The following PDE4D variants were observed in gnomAD, a reference collection of about 807,000 sequenced individuals.
PDE4D encodes the protein 3',5'-cyclic-AMP phosphodiesterase 4D.
PDE4D carries 24 observed loss-of-function variants against 87.4 expected under a neutral mutation model. The ratio of observed to expected loss-of-function variants is 0.27; its 90% CI spans 0.20 to 0.39. The LOEUF is 0.39. PDE4D is among the 10% of genes least tolerant of loss of function. PDE4D has a pLI of 1.00. For synonymous variants in PDE4D, 384 were observed against 383.2 expected, an observed-to-expected ratio of 1.00 and a Z score of -0.02; for missense variants, 714 against 1,041.0, an observed-to-expected ratio of 0.69 and a Z score of 4.32.
chr5:60,457,843 G>C (rs1746594350), intron 1 of PDE4D, among the ~76,000 whole-genome samples: 1 of 152,194 alleles, frequency 6.6e-6, no homozygotes, highest in Admixed American at 6.5e-5. Context: ...ACATGGTGCT[G>C]CTTAATAGGC....
chr5:59,260,756 G>A (rs1031753633), intron 1 of PDE4D, among the ~76,000 whole-genome samples: 6 of 151,666 alleles, frequency 4.0e-5, no homozygotes, highest in Non-Finnish European at 8.9e-5. Context: ...ATTACTTAAG[G>A]AGGGATGACC....
intron 1 of PDE4D, among the ~76,000 whole-genome samples, chr5:60,269,079 G>A (rs892622707): frequency 3.3e-5 from 5 of 152,138 alleles, no homozygotes; most frequent in Admixed American, 6.5e-5. Flanking sequence ...CGAGGCGGGC[G>A]GATCACCTGA....
intron 1 of PDE4D, among the ~76,000 whole-genome samples, chr5:59,782,480 A>G (rs1262800864): frequency 1.3e-5 from 2 of 152,162 alleles, no homozygotes; most frequent in African/African-American, 4.8e-5. Flanking sequence ...TAAGCCATAT[A>G]TTACTTTTAT....
intron 11 of PDE4D, among the ~76,000 whole-genome samples, chr5:58,981,778 G>A (rs1745227160): frequency 6.6e-6 from 1 of 152,120 alleles, no homozygotes; most frequent in Admixed American, 6.5e-5. Context: ...TGAAGGGTAT[G>A]GGTTATTAGT....
chr5:59,247,458 G>A (rs751284606), intron 1 of PDE4D, among the ~76,000 whole-genome samples: 14 of 152,212 alleles, frequency 9.2e-5, no homozygotes, highest in Non-Finnish European at 1.8e-4. Flanking sequence ...CAGAGCCTCC[G>A]TAATGGGCAC....
At chr5:59,905,673 G>T (rs1752736155) in intron 3 of PDE4D, among the ~76,000 whole-genome samples, 1 of 152,048 alleles carries the variant, frequency 6.6e-6, no homozygotes, top group South Asian at 2.1e-4. Context: ...TGAGATAATA[G>T]ATGTAAAATG....
chr5:59,640,737 T>C (rs927401905), intron 1 of PDE4D, among the ~76,000 whole-genome samples: 34 of 152,208 alleles, frequency 2.2e-4, no homozygotes, highest in Non-Finnish European at 1.8e-4. Flanking sequence ...ATGTGTGCAA[T>C]GCAAGCCCAC....
intron 1 of PDE4D, among the ~76,000 whole-genome samples, chr5:60,504,359 G>A (rs1750231781): frequency 6.6e-6 from 1 of 151,158 alleles, no homozygotes; most frequent in African/African-American, 2.4e-5. Flanking sequence ...GTCTTTTTAG[G>A]TATATATTTT....
intron 1 of PDE4D, among the ~76,000 whole-genome samples, chr5:59,428,291 T>C (rs992242881): frequency 1.3e-5 from 2 of 152,214 alleles, no homozygotes; most frequent in African/African-American, 2.4e-5. Context: ...ATTTTCTCTA[T>C]GGATTTTCGT....
At chr5:58,978,527 TA>T (rs1744355649) in intron 11 of PDE4D, among the ~76,000 whole-genome samples, 1 of 152,208 alleles carries the variant, frequency 6.6e-6, no homozygotes, top group South Asian at 2.1e-4. Context: ...TTTGGAAATA[TA>T]TATCTTTTTT....
chr5:59,190,809 T>C (rs948762366), intron 3 of PDE4D, among the ~76,000 whole-genome samples: 3 of 151,808 alleles, frequency 2.0e-5, no homozygotes, highest in African/African-American at 7.3e-5. Context: ...CTATGAAGAG[T>C]GGTGAAACTC....
chr5:60,185,625 G>T, exon 2 of PDE4D: 1 of 1,466,826 alleles, frequency 6.8e-7, no homozygotes, highest in Non-Finnish European at 9.2e-7. Flanking sequence ...ATTAAAATGG[G>T]AACTAGTGTT....
chr5:60,395,423 G>A lies in PDE4D; in HGVS notation c.-90+92519C>T, dbSNP rs567624597. ...CATAGCTCCTGATAAAAGGCCATCT[G>A]CAACATTTTCAAATTAAGGATTTTT... On this transcript the variant is annotated intron_variant, in intron 1 of 16. Transcript: ENST00000502484. 3.3e-5 allele frequency among the ~76,000 whole-genome samples: 5 copies of A among 152,086 alleles called. No homozygotes were observed. In the East Asian group the frequency reaches 9.6e-4, roughly 29 times the overall value.
intron 1 of PDE4D, among the ~76,000 whole-genome samples, chr5:59,628,268 G>A (rs753691259): frequency 1.3e-5 from 2 of 152,182 alleles, no homozygotes; most frequent in Non-Finnish European, 2.9e-5. Context: ...TGAGAGGGCA[G>A]CAATGCAGGG....
intron 1 of PDE4D, among the ~76,000 whole-genome samples, chr5:59,341,122 C>T (rs1778648936): frequency 6.6e-6 from 1 of 151,990 alleles, no homozygotes; most frequent in Admixed American, 6.6e-5. Context: ...TTGGATTAGC[C>T]ACAGCTCAAG....
intron 1 of PDE4D, among the ~76,000 whole-genome samples, chr5:59,716,019 A>G (rs1171213810): frequency 6.6e-6 from 1 of 152,126 alleles, no homozygotes; most frequent in Non-Finnish European, 1.5e-5. Flanking sequence ...GTGTACGTAT[A>G]AGGCCTGTGT....
At chr5:59,978,476 C>A (rs1761571569) in intron 3 of PDE4D, among the ~76,000 whole-genome samples, 1 of 152,064 alleles carries the variant, frequency 6.6e-6, no homozygotes, top group East Asian at 1.9e-4. Context: ...GAAATTACTG[C>A]AATCTTATGA....
chr5:59,898,856 T>G (rs554833345), intron 3 of PDE4D, among the ~76,000 whole-genome samples: 1 of 152,018 alleles, frequency 6.6e-6, no homozygotes, highest in Non-Finnish European at 1.5e-5. Flanking sequence ...TTAAAGTTGA[T>G]GAGTAGGATG....
intron 1 of PDE4D, among the ~76,000 whole-genome samples, chr5:60,224,205 C>T (rs923199589): frequency 2.0e-5 from 3 of 151,984 alleles, no homozygotes; most frequent in East Asian, 1.9e-4. Context: ...AGCATTGTTC[C>T]CAAGTGTTCC....
Sources: allele counts gnomAD v4.1 joint callset (sites outside exome capture counted in the v4.1 genomes callset), GRCh38; gene constraint gnomAD v4.1.1; transcripts MANE v1.5; gene names NCBI Gene and HGNC (gene_info 2026-07-23, HGNC 2026-07-21).